The following PLD5 variants were observed in gnomAD, a reference collection of about 807,000 sequenced individuals.
PLD5 encodes the protein inactive phospholipase D5.
A neutral mutation model predicts 61.1 loss-of-function variants in PLD5; 36 were observed. The ratio of observed to expected loss-of-function variants is 0.59; its 90% CI spans 0.45 to 0.78. PLD5 has a LOEUF of 0.78. Among genes scored for constraint, PLD5 ranks in the 30% least tolerant of loss-of-function variants. The probability of loss-of-function intolerance (pLI) is 0.00; values close to 1 mark genes in which losing one functional copy is unlikely to be tolerated. For missense variants in PLD5, 515 were observed against 644.4 expected, an observed-to-expected ratio of 0.80 and a Z score of 2.17; for synonymous variants, 243 against 242.8, an observed-to-expected ratio of 1.00 and a Z score of -0.01.
intron 1 of PLD5, among the ~76,000 whole-genome samples, chr1:242,360,389 A>C (rs1365554092): frequency 1.3e-5 from 2 of 152,132 alleles, no homozygotes; most frequent in East Asian, 3.8e-4. Flanking sequence ...ATTTTAAATA[A>C]TATCTTTAAA....
chr1:242,326,290 A>G (rs1016718068), intron 2 of PLD5, among the ~76,000 whole-genome samples: 1 of 151,758 alleles, frequency 6.6e-6, no homozygotes, highest in Non-Finnish European at 1.5e-5. Context: ...TCTGCTAAGT[A>G]TATGCATACT....
At chr1:242,330,835 T>G (rs1420572413) in intron 2 of PLD5, among the ~76,000 whole-genome samples, 1 of 152,132 alleles carries the variant, frequency 6.6e-6, no homozygotes, top group African/African-American at 2.4e-5. Flanking sequence ...GAAAAAGGGA[T>G]TTTGGAGGTC....
intron 5 of PLD5, among the ~76,000 whole-genome samples, chr1:242,168,100 T>G (rs1666460758): frequency 6.6e-6 from 1 of 152,224 alleles, no homozygotes. Flanking sequence ...CAGCTGGTCT[T>G]TTAATAATCT....
chr1:242,305,916 T>G (rs1416580485), intron 2 of PLD5, among the ~76,000 whole-genome samples: 3 of 152,098 alleles, frequency 2.0e-5, no homozygotes, highest in Admixed American at 2.0e-4. Flanking sequence ...GCCTTGGAGA[T>G]GCACCAAGGT....
intron 1 of PLD5, among the ~76,000 whole-genome samples, chr1:242,490,718 T>C (rs1253105696): frequency 1.3e-5 from 2 of 152,192 alleles, no homozygotes. Flanking sequence ...ATCTCTTTTT[T>C]AATCTTGAGG....
At chr1:242,345,157 T>C (rs1471517856) in intron 2 of PLD5, among the ~76,000 whole-genome samples, 2 of 152,156 alleles carry the variant, frequency 1.3e-5, no homozygotes, top group Non-Finnish European at 2.9e-5. Flanking sequence ...TATCACCCAC[T>C]GCAGTTGTGA....
At chr1:242,453,898 T>C (rs1666864352) in intron 1 of PLD5, among the ~76,000 whole-genome samples, 1 of 152,166 alleles carries the variant, frequency 6.6e-6, no homozygotes, top group African/African-American at 2.4e-5. Flanking sequence ...TGCCTGGCCA[T>C]TGGATATGTT....
intron 1 of PLD5, among the ~76,000 whole-genome samples, chr1:242,456,575 T>C (rs751827921): frequency 7.2e-5 from 11 of 152,214 alleles, no homozygotes; most frequent in Non-Finnish European, 7.3e-5. Flanking sequence ...TTAGAATTAC[T>C]GTGTGAGCTG....
chr1:242,137,380 A>G (rs999711629), intron 5 of PLD5, among the ~76,000 whole-genome samples: 9 of 152,084 alleles, frequency 5.9e-5, no homozygotes, highest in African/African-American at 2.2e-4. Flanking sequence ...TTCTCTAATA[A>G]ATCTGCCTTT....
At chr1:242,264,227 A>G (rs184132911) in intron 4 of PLD5, among the ~76,000 whole-genome samples, 334 of 152,340 alleles carry the variant, frequency 2.2e-3, no homozygotes, top group Non-Finnish European at 3.5e-3. Context: ...TGTATCTGTC[A>G]ATCCACTGAA....
intron 5 of PLD5, among the ~76,000 whole-genome samples, chr1:242,167,742 C>T (rs1057220113): frequency 6.6e-6 from 1 of 152,188 alleles, no homozygotes. Flanking sequence ...TCCAAAATCA[C>T]ACATCCAGTA....
chr1:242,189,437 C>G (rs1035582633), intron 5 of PLD5, among the ~76,000 whole-genome samples: 2 of 112,404 alleles, frequency 1.8e-5, no homozygotes, highest in African/African-American at 6.9e-5. Context: ...CAGAGTGAGA[C>G]TCCATCTCAA....
At chr1:242,462,723 TGAG>T (rs1667158109) in intron 1 of PLD5, among the ~76,000 whole-genome samples, 1 of 152,144 alleles carries the variant, frequency 6.6e-6, no homozygotes, top group African/African-American at 2.4e-5. Flanking sequence ...TGCCACCAGA[TGAG>T]GAGGTCTGCA....
chr1:242,525,737 C>G (rs1161882362), upstream of PLD5, among the ~76,000 whole-genome samples: 1 of 152,156 alleles, frequency 6.6e-6, no homozygotes, highest in East Asian at 1.9e-4. Context: ...CAGAACTGCC[C>G]TACTTGAATG....
At chr1:242,338,742 G>T (rs1474865746) in intron 2 of PLD5, among the ~76,000 whole-genome samples, 1 of 152,016 alleles carries the variant, frequency 6.6e-6, no homozygotes, top group East Asian at 1.9e-4. Context: ...TGGATATGGG[G>T]CTAATCAAAT....
In PLD5 at chr1:242,107,669, A is replaced by T; in HGVS notation, c.1239+2T>A. 1 of 1,581,312 alleles carries T rather than the reference A, an allele frequency of 6.3e-7. No homozygotes were observed. Among genetic ancestry groups the T allele is most frequent in the Non-Finnish European group, 8.6e-7 (1 of 1,168,276 alleles). On this transcript the variant is annotated splice_donor_variant, in intron 8 of 9. Coordinates refer to ENST00000536534, the MANE Select transcript of PLD5 (RefSeq NM_001372062.1). LOFTEE classifies it high-confidence loss of function. The stretch of plus-strand genomic sequence containing the variant: ...TAATAACACAGTCAACGTAATACTT[A>T]CAACTTTCAAACTGCAGTTGGCTAT...
At chr1:242,333,422 C>A (rs907173010) in intron 2 of PLD5, among the ~76,000 whole-genome samples, 2 of 152,030 alleles carry the variant, frequency 1.3e-5, no homozygotes, top group Non-Finnish European at 2.9e-5. Flanking sequence ...GCAATGCATT[C>A]GCTGGAAAGG....
chr1:242,302,560 A>T lies in PLD5; in HGVS notation c.327-14030T>A, dbSNP rs1404318793. On this transcript the variant is annotated intron_variant, in intron 2 of 9. Coordinates refer to ENST00000536534, the MANE Select transcript of PLD5 (RefSeq NM_001372062.1). ...CAGCAAGACCTGTCTCTACCAAAAA[A>T]CTTTAAACATTAGCCAGGTATGGTA... 2.6e-5 allele frequency among the ~76,000 whole-genome samples: 4 copies of T among 152,052 alleles called. No individual in the cohort carries two copies. The East Asian group carries it at 7.7e-4, about 29-fold the overall frequency.
chr1:242,431,554 T>C (rs574629112), intron 1 of PLD5, among the ~76,000 whole-genome samples: 1 of 152,368 alleles, frequency 6.6e-6, no homozygotes, highest in East Asian at 1.9e-4. Context: ...TCCTGCTATA[T>C]TTCTCATCCA....
Sources: allele counts gnomAD v4.1 joint callset (sites outside exome capture counted in the v4.1 genomes callset), GRCh38; gene constraint gnomAD v4.1.1; transcripts MANE v1.5; gene names NCBI Gene and HGNC (gene_info 2026-07-23, HGNC 2026-07-21).